RALY: variants seen among roughly 807,000 people sequenced by gnomAD.
RALY encodes the protein RNA-binding protein Raly.
RALY carries 15 observed loss-of-function variants against 30.7 expected under a neutral mutation model. The observed-to-expected ratio is 0.49, with a 90% confidence interval of 0.33 to 0.75. The LOEUF is 0.75. Ranked by LOEUF, RALY falls within the 30% of genes least tolerant of loss-of-function variation. RALY has a pLI of 0.02. For missense variants in RALY, 339 were observed against 414.3 expected, an observed-to-expected ratio of 0.82 and a Z score of 1.58; for synonymous variants, 177 against 170.8, an observed-to-expected ratio of 1.04 and a Z score of -0.28.
intron 7 of RALY, 30 bp from the exon 8 acceptor site, chr20:34,076,998 T>C (rs1299118530): frequency 3.7e-6 from 6 of 1,610,280 alleles, no homozygotes; most frequent in Non-Finnish European, 5.1e-6. Context: ...CTGAGTTTTA[T>C]TCTCCCCTCC....
intron 2 of RALY, among the ~76,000 whole-genome samples, chr20:34,037,569 G>T (rs1453556068): frequency 1.3e-5 from 2 of 152,196 alleles, no homozygotes; most frequent in African/African-American, 4.8e-5. Context: ...GGGGCTCTGA[G>T]CAATGCCTGG....
In RALY at chr20:34,076,040, T is replaced by C; in HGVS notation, c.544T>C (p.Leu182=). The C allele has an allele frequency of 6.2e-7, 1 of 1,611,444 alleles. No homozygotes were observed. The highest frequency in any genetic ancestry group is 8.5e-7 in the Non-Finnish European group (1 of 1,177,982). ...AVTTSSAKIK[L]KSSELQAIKT... is the part of the protein sequence containing the mutation. ...CACCACCAGCTCAGCCAAGATCAAG[T>C]GTGAGTGACTGTATCATATTCCTAA... Residue 182 remains leucine (L), a splice_region_variant and synonymous_variant, in exon 6 of 10, where the codon TTA becomes CTA. Coordinates refer to ENST00000246194, the MANE Select transcript of RALY (RefSeq NM_016732.3).
intron 5 of RALY, among the ~76,000 whole-genome samples, chr20:34,075,328 A>G (rs2033844432): frequency 6.6e-6 from 1 of 151,980 alleles, no homozygotes; most frequent in Non-Finnish European, 1.5e-5. Context: ...TACACGTTCT[A>G]AAGTGTGTTT....
chr20:34,063,149 G>C (rs2033464338), intron 2 of RALY, among the ~76,000 whole-genome samples: 1 of 152,172 alleles, frequency 6.6e-6, no homozygotes, highest in Admixed American at 6.5e-5. Flanking sequence ...ATGTGAAATG[G>C]TCACAACATG....
At chr20:34,053,383 ATTTTTTTTTT>A (rs60912814) in intron 2 of RALY, among the ~76,000 whole-genome samples, 158 of 54,144 alleles carry the variant, frequency 2.9e-3, no homozygotes, top group African/African-American at 0.01. Context: ...ATGTTCAATA[ATTTTTTTTTT>A]TTTTTTTTTT....
intron 2 of RALY, among the ~76,000 whole-genome samples, chr20:34,041,197 C>G (rs2032687307): frequency 6.6e-6 from 1 of 152,110 alleles, no homozygotes; most frequent in Non-Finnish European, 1.5e-5. Context: ...CTTGTATGAC[C>G]AACTCCAAAG....
At chr20:34,016,401 A>G (rs2031608955) in intron 1 of RALY, 1 of 152,330 alleles carries the variant, frequency 6.6e-6, no homozygotes, top group Non-Finnish European at 1.5e-5. Flanking sequence ...GTTACTGTTT[A>G]TGACCCAAGG....
At chr20:34,014,793 C>G (rs2031543746) in intron 1 of RALY, among the ~76,000 whole-genome samples, 1 of 152,100 alleles carries the variant, frequency 6.6e-6, no homozygotes, top group South Asian at 2.1e-4. Context: ...AAACTTTTTT[C>G]TTTAAAACAT....
At chr20:34,014,696 A>G (rs1444841822) in intron 1 of RALY, among the ~76,000 whole-genome samples, 1 of 152,348 alleles carries the variant, frequency 6.6e-6, no homozygotes, top group East Asian at 1.9e-4. Flanking sequence ...AAAAATTTTA[A>G]AATTAGAATT....
Position 34,067,917 on chromosome 20 carries a change from C to G in RALY, c.-9-4149C>G, listed in dbSNP as rs544837096. ...CAAATGAAAAATGGAATATAAGGAC[C>G]CTAGACTTAGCGTCAGAAGACCCAT... On this transcript the variant is annotated intron_variant, in intron 2 of 9. Coordinates refer to ENST00000246194, the MANE Select transcript of RALY (RefSeq NM_016732.3). 1.2e-4 allele frequency among the ~76,000 whole-genome samples: 18 copies of G among 151,416 alleles called. No individual in the cohort carries two copies. In the South Asian group the frequency reaches 3.6e-3, roughly 30 times the overall value.
At chr20:34,000,996 AG>A (rs1384565736) in intron 1 of RALY, among the ~76,000 whole-genome samples, 2 of 152,238 alleles carry the variant, frequency 1.3e-5, no homozygotes, top group Admixed American at 6.5e-5. Flanking sequence ...GGAAGGAGAA[AG>A]GGCTTTGCTA....
Position 34,076,084 on chromosome 20 carries a change from A to G in RALY, c.544+44A>G, listed in dbSNP as rs1052999858. ...TTCCTAAGTAATTTGCATTTTTATC[A>G]TTAGCAAAATAATAGAATCACATTT... On this transcript the variant is annotated intron_variant, in intron 6 of 9. Coordinates refer to ENST00000246194, the MANE Select transcript of RALY (RefSeq NM_016732.3). 3.2e-6 allele frequency: 5 copies of G among 1,573,342 alleles called. No individual in the cohort carries two copies. The Admixed American group carries it at 7.1e-5, about 22-fold the overall frequency.
rs567988162 is a variant in RALY at position 34,064,414 on chromosome 20, A to G, written c.-9-7652A>G. Among the ~76,000 whole-genome samples, 5 of 152,272 alleles carry G rather than the reference A, an allele frequency of 3.3e-5. No homozygotes were observed. In the South Asian group the frequency reaches 1.0e-3, roughly 32 times the overall value. On this transcript the variant is annotated intron_variant, in intron 2 of 9. Coordinates refer to ENST00000246194, the MANE Select transcript of RALY (RefSeq NM_016732.3). ...TCCTCTCAGGGCCCATTAGATATGG[A>G]TACCAATGTCAGTAGTATAGGACCG...
At position 34,076,745 on chromosome 20, in the gene RALY, G is replaced by T. The variant is rs1332469335; in HGVS notation, c.588G>T (p.Gln196His). The T allele has an allele frequency of 6.2e-7, 1 of 1,614,182 alleles. No homozygotes were observed. The highest frequency in any genetic ancestry group is 8.5e-7 in the Non-Finnish European group (1 of 1,180,034). Residue 196 changes from glutamine to histidine, a missense_variant, in exon 7 of 10, where the codon CAG becomes CAT. Coordinates refer to ENST00000246194, the MANE Select transcript of RALY (RefSeq NM_016732.3). ...AGGCCATCAAGACGGAGCTGACACA[G>T]ATCAAGTCCAATATCGATGCCCTGC... ...ELQAIKTELT[Q>H]IKSNIDALLS...
At position 34,080,092 on chromosome 20, in the gene RALY, C is replaced by T. The variant is rs1377920430; in HGVS notation, c.*187C>T. On this transcript the variant is annotated 3_prime_UTR_variant, in exon 10 of 10. Transcript: ENST00000246194. ...CTGCAGGTGGAGTTACTGGCCTACT[C>T]CTTCCCCATGAGCCCTCCCTGTCTG... The T allele has an allele frequency of 1.3e-5, 2 of 152,606 alleles. No homozygotes were observed. Among genetic ancestry groups the T allele is most frequent in the Non-Finnish European group, 2.9e-5 (2 of 68,346 alleles). 9.5% of individuals were successfully genotyped at this position (152,606 alleles called of 1,614,324 possible).
chr20:34,070,962 C>A (rs1309854749), intron 2 of RALY, among the ~76,000 whole-genome samples: 1 of 152,058 alleles, frequency 6.6e-6, no homozygotes, highest in Non-Finnish European at 1.5e-5. Flanking sequence ...TGGAAGGCGA[C>A]GGGGAAGTAG....
Position 34,006,866 on chromosome 20 carries a change from T to C in RALY, c.-93+12735T>C, listed in dbSNP as rs542975334. 2.6e-5 allele frequency among the ~76,000 whole-genome samples: 4 copies of C among 152,334 alleles called. No individual in the cohort carries two copies. In the South Asian group the frequency reaches 8.3e-4, roughly 32 times the overall value. On this transcript the variant is annotated intron_variant, in intron 1 of 9. Coordinates refer to ENST00000246194, the MANE Select transcript of RALY (RefSeq NM_016732.3). ...TCGCCTAATGATGCATTTCTCAGAA[T>C]GTATCCCCGTTGCTAAGTGATGCAT...
intron 2 of RALY, among the ~76,000 whole-genome samples, chr20:34,040,906 C>G (rs1482077662): frequency 6.6e-6 from 1 of 152,152 alleles, no homozygotes; most frequent in African/African-American, 2.4e-5. Context: ...CTGGCCACGG[C>G]CCTTCCAGGA....
At chr20:34,037,050 A>G (rs188421005) in intron 2 of RALY, among the ~76,000 whole-genome samples, 1 of 152,214 alleles carries the variant, frequency 6.6e-6, no homozygotes, top group East Asian at 1.9e-4. Flanking sequence ...GAGGCAGGAT[A>G]CACCCCAAAC....
Sources: allele counts gnomAD v4.1 joint callset (sites outside exome capture counted in the v4.1 genomes callset), GRCh38; gene constraint gnomAD v4.1.1; transcripts MANE v1.5; gene names NCBI Gene and HGNC (gene_info 2026-07-23, HGNC 2026-07-21).